MECOM: variants seen among roughly 807,000 people sequenced by gnomAD.
MECOM encodes the protein MDS1 and EVI1 complex locus.
MECOM carries 13 observed loss-of-function variants against 116.3 expected under a neutral mutation model. That is an observed-to-expected ratio of 0.11 (90% CI 0.07 to 0.18). MECOM has a LOEUF of 0.18. Among genes scored for constraint, MECOM ranks in the 10% least tolerant of loss-of-function variants. The probability of loss-of-function intolerance (pLI) is 1.00; values close to 1 mark genes in which losing one functional copy is unlikely to be tolerated. For synonymous variants in MECOM, 528 were observed against 535.2 expected (o/e 0.99, Z 0.19); for missense variants, 1,299 against 1,509.0 (o/e 0.86, Z 2.31).
chr3:169,286,705 T>G (rs1713395025), intron 2 of MECOM, among the ~76,000 whole-genome samples: 1 of 152,146 alleles, frequency 6.6e-6, no homozygotes, highest in Non-Finnish European at 1.5e-5. Flanking sequence ...TTATAGGTAT[T>G]TGTAGGAGTC....
At chr3:169,219,887 T>C (rs987234441) in intron 2 of MECOM, among the ~76,000 whole-genome samples, 3 of 149,138 alleles carry the variant, frequency 2.0e-5, no homozygotes, top group Non-Finnish European at 4.5e-5. Context: ...CCTCCTAACC[T>C]AGGAACCATC....
At chr3:169,233,797 T>C (rs368524660) in intron 2 of MECOM, among the ~76,000 whole-genome samples, 5 of 152,252 alleles carry the variant, frequency 3.3e-5, no homozygotes, top group African/African-American at 1.2e-4. Context: ...GTACTTTCCA[T>C]TGTAAAGAGC....
chr3:169,557,763 A>T (rs769121373), intron 1 of MECOM, among the ~76,000 whole-genome samples: 1 of 152,222 alleles, frequency 6.6e-6, no homozygotes, highest in African/African-American at 2.4e-5. Context: ...CAAGGCAAGA[A>T]ACACACTTTT....
chr3:169,574,795 C>G (rs909411035), intron 1 of MECOM, among the ~76,000 whole-genome samples: 5 of 151,624 alleles, frequency 3.3e-5, no homozygotes, highest in Non-Finnish European at 4.4e-5. Context: ...CATTGAAACA[C>G]TGCCTTTGGG....
At chr3:169,614,407 T>C (rs1769723197) in intron 1 of MECOM, among the ~76,000 whole-genome samples, 2 of 152,048 alleles carry the variant, frequency 1.3e-5, no homozygotes, top group Admixed American at 6.6e-5. Flanking sequence ...TTCAAATCAA[T>C]AAAAATGATA....
chr3:169,244,653 C>A (rs184564158), intron 2 of MECOM, among the ~76,000 whole-genome samples: 3 of 152,160 alleles, frequency 2.0e-5, no homozygotes, highest in Admixed American at 2.0e-4. Flanking sequence ...GACATGCCAC[C>A]GCATAAATTG....
chr3:169,212,633 AATGTATAT>A (rs1181052699), intron 2 of MECOM, among the ~76,000 whole-genome samples: 2,996 of 85,384 alleles, frequency 0.035, 561 homozygotes, highest in Middle Eastern at 0.093. Flanking sequence ...TCTAGTCAGC[AATGTATAT>A]ATATATATAT....
intron 1 of MECOM, among the ~76,000 whole-genome samples, chr3:169,485,971 TACATATATATATA>T (rs1752233541): frequency 3.1e-5 from 2 of 64,180 alleles, no homozygotes; most frequent in Admixed American, 1.8e-4. Flanking sequence ...ATACTATATA[TACATATATATATA>T]GTATATATAT....
intron 1 of MECOM, among the ~76,000 whole-genome samples, chr3:169,481,367 A>T (rs1324936885): frequency 3.3e-5 from 5 of 152,168 alleles, no homozygotes; most frequent in Non-Finnish European, 5.9e-5. Flanking sequence ...AGCCTGGCCA[A>T]CATGGTGAAA....
intron 1 of MECOM, among the ~76,000 whole-genome samples, chr3:169,533,576 A>ATTT (rs57279349): frequency 1.2e-5 from 1 of 85,088 alleles, no homozygotes; most frequent in African/African-American, 5.8e-5. Flanking sequence ...CCCAGTGCTG[A>ATTT]TTTTTTTTTT....
intron 1 of MECOM, chr3:169,477,105 G>GTGTATA (rs1216311292): frequency 3.7e-4 from 22 of 59,522 alleles, no homozygotes; most frequent in African/African-American, 6.9e-4. Context: ...GTGTGTGTGT[G>GTGTATA]TATATATATA....
chr3:169,363,803 A>G (rs536475346), intron 2 of MECOM, among the ~76,000 whole-genome samples: 90 of 152,024 alleles, frequency 5.9e-4, no homozygotes, highest in Admixed American at 1.6e-3. Flanking sequence ...CCCGGATCTC[A>G]TTATTTTCCC....
In MECOM at chr3:169,432,349, G is replaced by T. The variant is rs555157453; in HGVS notation, c.38-50825C>A. ...ACTTTTGTATTTTTGGTAGAGACAG[G>T]GTTTCACCATGTTGGCCAGGCTGGT... is the stretch of plus-strand genomic sequence containing the variant. On this transcript the variant is annotated intron_variant, in intron 1 of 16. Transcript: ENST00000651503. Among the ~76,000 whole-genome samples the T allele has an allele frequency of 3.3e-5, 5 of 152,156 alleles. No homozygotes were observed. In the East Asian group the frequency reaches 5.8e-4, roughly 18 times the overall value.
In MECOM at chr3:169,457,641, A is replaced by G. The variant is rs146864002; in HGVS notation, c.38-76117T>C. On this transcript the variant is annotated intron_variant, in intron 1 of 16. Transcript: ENST00000651503. The stretch of plus-strand genomic sequence containing the variant: ...GTATTTTGAGGATAAAATTGAGACT[A>G]TCATCTTAAATGGAATCTCTGATAT... Among the ~76,000 whole-genome samples, 10 of 152,340 alleles carry G rather than the reference A, an allele frequency of 6.6e-5. No individual in the cohort carries two copies. In the East Asian group the frequency reaches 1.7e-3, roughly 26 times the overall value.
At chr3:169,244,984 C>CA (rs557611897) in intron 2 of MECOM, among the ~76,000 whole-genome samples, 35 of 152,010 alleles carry the variant, frequency 2.3e-4, no homozygotes, top group Non-Finnish European at 3.2e-4. Context: ...CAAACAACAG[C>CA]AAAAAAACGA....
chr3:169,122,557 A>G (rs1560207508), intron 6 of MECOM, 23 bp downstream of exon 6: 2 of 1,613,590 alleles, frequency 1.2e-6, no homozygotes, highest in Non-Finnish European at 1.7e-6. Context: ...AGAGAGGCCA[A>G]GTAGCCTACA....
chr3:169,108,569 C>A (rs1045870677), intron 9 of MECOM, among the ~76,000 whole-genome samples: 2 of 152,018 alleles, frequency 1.3e-5, no homozygotes, highest in Non-Finnish European at 2.9e-5. Flanking sequence ...AGAAGCTCTT[C>A]CAGGAGACAC....
At chr3:169,344,031 A>C (rs1299502068) in intron 2 of MECOM, among the ~76,000 whole-genome samples, 2 of 152,182 alleles carry the variant, frequency 1.3e-5, no homozygotes, top group Non-Finnish European at 2.9e-5. Flanking sequence ...AAATAATATA[A>C]AATCTCATTG....
chr3:169,128,198 G>C, intron 4 of MECOM, 138 bp from the exon 5 acceptor site: 1 of 735,462 alleles, frequency 1.4e-6, no homozygotes. Flanking sequence ...ATCTGGATTA[G>C]AAATATCATA....
Sources: gnomAD v4.1 joint callset for allele counts (sites outside exome capture counted in the v4.1 genomes callset) on GRCh38, gnomAD v4.1.1 for gene constraint, MANE v1.5 for transcripts, NCBI Gene and HGNC (gene_info 2026-07-23, HGNC 2026-07-21) for gene names.